Variants in ARID1B observed in about 807,000 individuals in gnomAD.
ARID1B encodes AT-rich interactive domain-containing protein 1B.
Under a neutral mutation model 212.3 loss-of-function variants are expected in ARID1B, and 30 were observed. The ratio of observed to expected loss-of-function variants is 0.14; its 90% CI spans 0.11 to 0.19. The LOEUF (loss-of-function observed/expected upper bound fraction) is 0.19. Among genes scored for constraint, ARID1B ranks in the 10% least tolerant of loss-of-function variants. ARID1B has a pLI of 1.00. For missense variants in ARID1B, 2,891 were observed against 3,204.0 expected, an observed-to-expected ratio of 0.90 and a Z score of 2.36; for synonymous variants, 1,402 against 1,301.7, an observed-to-expected ratio of 1.08 and a Z score of -1.66.
intron 4 of ARID1B, among the ~76,000 whole-genome samples, chr6:156,944,920 TTTTCC>T (rs1408431184): frequency 1.3e-5 from 2 of 148,332 alleles, no homozygotes; most frequent in African/African-American, 5.1e-5. Context: ...CTTCTTTTTC[TTTTCC>T]TTTTTTTTTT....
chr6:156,880,234 G>A (rs1436342819), intron 2 of ARID1B, among the ~76,000 whole-genome samples: 1 of 152,122 alleles, frequency 6.6e-6, no homozygotes, highest in Non-Finnish European at 1.5e-5. Context: ...GAGAGAGAAG[G>A]GAGGAGCTAG....
chr6:157,195,276 T>C (rs1331045374), intron 15 of ARID1B: 3 of 152,212 alleles, frequency 2.0e-5, no homozygotes, highest in African/African-American at 7.2e-5. Context: ...AGGCTCAGGG[T>C]CCTCGTCCGA....
chr6:157,067,811 C>T (rs1180379048), intron 4 of ARID1B, among the ~76,000 whole-genome samples: 1 of 151,982 alleles, frequency 6.6e-6, no homozygotes, highest in Non-Finnish European at 1.5e-5. Context: ...TCCCTTTTTT[C>T]CGCCTTTTCT....
intron 3 of ARID1B, among the ~76,000 whole-genome samples, chr6:156,934,912 T>TTATATATATATA (rs201495355): frequency 2.7e-4 from 14 of 52,684 alleles, no homozygotes; most frequent in Non-Finnish European, 3.1e-4. Flanking sequence ...TAGTTGTTAA[T>TTATATATATATA]TATATATATA....
At chr6:156,958,365 A>T (rs1794120793) in intron 4 of ARID1B, among the ~76,000 whole-genome samples, 1 of 152,262 alleles carries the variant, frequency 6.6e-6, no homozygotes, top group Admixed American at 6.5e-5. Flanking sequence ...CATACTGTAC[A>T]CTTCAGCAGC....
At chr6:157,054,418 T>C (rs1047070087) in intron 4 of ARID1B, among the ~76,000 whole-genome samples, 1 of 152,256 alleles carries the variant, frequency 6.6e-6, no homozygotes, top group Admixed American at 6.5e-5. Context: ...TAGTGAGTTA[T>C]AGTTTTTTGA....
chr6:156,904,365 CA>C (rs1789191398), intron 3 of ARID1B, among the ~76,000 whole-genome samples: 1 of 152,146 alleles, frequency 6.6e-6, no homozygotes, highest in East Asian at 1.9e-4. Context: ...ATGGACATAC[CA>C]TGATATATTT....
Position 157,201,946 on chromosome 6 carries a change from C to T in ARID1B, c.5263+458C>T, listed in dbSNP as rs1302041045. ...TCACTACAATACGTGCCTAACAGAC[C>T]CCCCCATGAGGCTAATGAAATGCTA... On this transcript the variant is annotated intron_variant, in intron 18 of 19. Transcript: ENST00000636930. The surrounding 1 kb of genome is among the most constrained non-coding windows in gnomAD (Gnocchi z 5.2). 3.3e-5 allele frequency among the ~76,000 whole-genome samples: 5 copies of T among 152,184 alleles called. No homozygotes were observed. The highest frequency in any genetic ancestry group is 1.9e-4 in the East Asian group (1 of 5,184).
chr6:156,985,087 T>C (rs1397096918), intron 4 of ARID1B: 1 of 152,196 alleles, frequency 6.6e-6, no homozygotes, highest in Non-Finnish European at 1.5e-5. Flanking sequence ...TTAAAGTTCT[T>C]ACAGAAAGAA....
intron 3 of ARID1B, among the ~76,000 whole-genome samples, chr6:156,922,888 C>T (rs761521156): frequency 1.2e-4 from 19 of 152,174 alleles, no homozygotes; most frequent in Non-Finnish European, 2.6e-4. Flanking sequence ...GTAGGAAGAA[C>T]TGATGTTGCT....
At chr6:156,800,633 A>G (rs1022178764) in intron 1 of ARID1B, among the ~76,000 whole-genome samples, 8 of 152,204 alleles carry the variant, frequency 5.3e-5, no homozygotes, top group South Asian at 4.2e-4. Flanking sequence ...TAGGCTGGGC[A>G]TGGTGGCTCA....
upstream of ARID1B, chr6:156,777,141 GC>G (rs1467379171): frequency 6.6e-6 from 1 of 152,348 alleles, no homozygotes; most frequent in Non-Finnish European, 1.5e-5. Flanking sequence ...GGAGACAGCG[GC>G]CCGGGGGGAA....
intron 4 of ARID1B, among the ~76,000 whole-genome samples, chr6:157,046,519 T>C (rs1027662881): frequency 1.3e-5 from 2 of 152,268 alleles, no homozygotes; most frequent in Non-Finnish European, 2.9e-5. Flanking sequence ...ATTAAATTTA[T>C]TTCCAGCTCT....
Position 157,210,630 on chromosome 6 carries a change from C to G in ARID1B, c.*2739C>G. On this transcript the variant is annotated 3_prime_UTR_variant, in exon 20 of 20. Coordinates refer to ENST00000636930, the MANE Select transcript of ARID1B (RefSeq NM_001374828.1). ...CTATAAACTGAGTTATTGCTTTGTCCTAAAAATTAGTCGGTTTTTTTTTTT... is the reference window on the plus strand; with the variant it reads ...CTATAAACTGAGTTATTGCTTTGTCGTAAAAATTAGTCGGTTTTTTTTTTT... 4.4e-6 allele frequency: 1 copy of G among 227,698 alleles called. No individual in the cohort carries two copies. Among genetic ancestry groups the G allele is most frequent in the East Asian group, 6.1e-5 (1 of 16,352 alleles). 14.1% of individuals were successfully genotyped at this position (227,698 alleles called of 1,614,324 possible).
intron 9 of ARID1B, chr6:157,169,444 G>A (rs1791563948): frequency 6.6e-6 from 1 of 152,210 alleles, no homozygotes; most frequent in African/African-American, 2.4e-5. Flanking sequence ...AATGGAGTCA[G>A]TGTGAGTATA....
At chr6:157,071,789 C>CT (rs1784020341) in intron 4 of ARID1B, 1 of 152,190 alleles carries the variant, frequency 6.6e-6, no homozygotes, top group African/African-American at 2.4e-5. Flanking sequence ...ACCCATTTAA[C>CT]TAGAAGTTCC....
intron 4 of ARID1B, among the ~76,000 whole-genome samples, chr6:157,076,587 A>C (rs981956328): frequency 6.7e-6 from 1 of 149,460 alleles, no homozygotes; most frequent in African/African-American, 2.4e-5. Context: ...TGTGCTAAGC[A>C]TTGTACTTCT....
Position 157,146,239 on chromosome 6 carries a change from A to G in ARID1B, c.2762-2385A>G, listed in dbSNP as rs906372616. ...GAAACCCCCATCAAGTGGCACCAACAATTTTGATACTTTACATCCATTATA... is the reference window on the plus strand; with the variant it reads ...GAAACCCCCATCAAGTGGCACCAACGATTTTGATACTTTACATCCATTATA... On this transcript the variant is annotated intron_variant, in intron 7 of 19. Transcript: ENST00000636930. Among the ~76,000 whole-genome samples the G allele has an allele frequency of 3.9e-5, 6 of 152,178 alleles. No individual in the cohort carries two copies. The South Asian group carries it at 8.3e-4, about 21-fold the overall frequency.
chr6:156,789,282 A>G (rs1001281080), intron 1 of ARID1B, among the ~76,000 whole-genome samples: 1 of 152,210 alleles, frequency 6.6e-6, no homozygotes, highest in Non-Finnish European at 1.5e-5. Flanking sequence ...TGCTAAAGAA[A>G]AGCCTTCACA....
Sources: gnomAD v4.1 joint callset for allele counts (sites outside exome capture counted in the v4.1 genomes callset) on GRCh38, gnomAD v4.1.1 for gene constraint, Gnocchi (gnomAD v3.1) non-coding constraint, MANE v1.5 for transcripts, NCBI Gene and HGNC (gene_info 2026-07-23, HGNC 2026-07-21) for gene names.